SHROOM3: variants seen among roughly 807,000 people sequenced by gnomAD.
The protein encoded by SHROOM3 is shroom family member 3.
SHROOM3 carries 47 observed loss-of-function variants against 138.6 expected under a neutral mutation model. The observed-to-expected ratio is 0.34, with a 90% confidence interval of 0.27 to 0.43. The LOEUF is 0.43. Among genes scored for constraint, SHROOM3 ranks in the 20% least tolerant of loss-of-function variants. SHROOM3 has a pLI of 1.00. For missense variants in SHROOM3, 2,491 were observed against 2,596.5 expected, an observed-to-expected ratio of 0.96 and a Z score of 0.88; for synonymous variants, 1,062 against 1,063.3, an observed-to-expected ratio of 1.00 and a Z score of 0.02.
At chr4:76,507,876 T>A (rs1732246533) in intron 1 of SHROOM3, among the ~76,000 whole-genome samples, 1 of 152,162 alleles carries the variant, frequency 6.6e-6, no homozygotes, top group Admixed American at 6.5e-5. Flanking sequence ...CGGAAATGTC[T>A]ATATAAATCC....
intron 2 of SHROOM3, among the ~76,000 whole-genome samples, chr4:76,600,848 TG>T (rs575524396): frequency 1.5e-4 from 23 of 152,344 alleles, no homozygotes; most frequent in African/African-American, 5.1e-4. Context: ...GAGTTAATAT[TG>T]TAAAAATACC....
chr4:76,441,503 C>T (rs972501545), intron 1 of SHROOM3, among the ~76,000 whole-genome samples: 1 of 152,130 alleles, frequency 6.6e-6, no homozygotes, highest in Non-Finnish European at 1.5e-5. Context: ...TAGATCAGCT[C>T]GTCATTCTGA....
chr4:76,646,071 C>G (rs915853424), intron 2 of SHROOM3, among the ~76,000 whole-genome samples: 8 of 151,708 alleles, frequency 5.3e-5, no homozygotes, highest in African/African-American at 1.7e-4. Flanking sequence ...ATTTTCAGAA[C>G]CCGTTGAGGG....
At chr4:76,616,388 C>T (rs867487459) in intron 2 of SHROOM3, among the ~76,000 whole-genome samples, 22 of 152,148 alleles carry the variant, frequency 1.4e-4, no homozygotes, top group Non-Finnish European at 2.4e-4. Flanking sequence ...TCACAATAGC[C>T]AAAAGGTGGA....
intron 1 of SHROOM3, among the ~76,000 whole-genome samples, chr4:76,449,141 C>A (rs1730871022): frequency 6.6e-6 from 1 of 152,122 alleles, no homozygotes; most frequent in Non-Finnish European, 1.5e-5. Flanking sequence ...AGAGTAGGAT[C>A]CACTCTCTTG....
At chr4:76,557,224 T>TAC (rs1289575397) in intron 2 of SHROOM3, among the ~76,000 whole-genome samples, 1 of 72,010 alleles carries the variant, frequency 1.4e-5, no homozygotes, top group Admixed American at 1.6e-4. Context: ...TATGTTTATG[T>TAC]ATACACACAC....
chr4:76,684,346 G>A (rs138742326), intron 2 of SHROOM3, among the ~76,000 whole-genome samples: 1 of 152,274 alleles, frequency 6.6e-6, no homozygotes, highest in East Asian at 1.9e-4. Flanking sequence ...ACAAGAACTT[G>A]CTGGCTACCT....
chr4:76,689,565 C>T (rs1719449241), intron 2 of SHROOM3: 6 of 984,566 alleles, frequency 6.1e-6, no homozygotes, highest in Non-Finnish European at 7.2e-6. Context: ...CGCTGCTGGG[C>T]CGCCCATTGT....
At position 76,779,990 on chromosome 4, in the gene SHROOM3, G is replaced by A. The variant is rs1265484482; in HGVS notation, c.*813G>A. The stretch of plus-strand genomic sequence containing the variant: ...TGCTTCATGTCATTATCACTGGTGG[G>A]GAAACAAAGCTAAATTTTATTAACA... On this transcript the variant is annotated 3_prime_UTR_variant, in exon 11 of 11. Coordinates refer to ENST00000296043, the MANE Select transcript of SHROOM3 (RefSeq NM_020859.4). The A allele has an allele frequency of 6.6e-6, 1 of 152,192 alleles. No individual in the cohort carries two copies. The highest frequency in any genetic ancestry group is 1.5e-5 in the Non-Finnish European group (1 of 68,008). 9.4% of individuals were successfully genotyped at this position (152,192 alleles called of 1,614,324 possible). A position where few individuals can be genotyped will look rare whatever the true frequency, so the allele number is the denominator to read the frequency against.
At chr4:76,557,226 T>TACACACACAC (rs35294663) in intron 2 of SHROOM3, among the ~76,000 whole-genome samples, 4,976 of 141,942 alleles carry the variant, frequency 0.035, 169 homozygotes, top group African/African-American at 0.082. Flanking sequence ...TGTTTATGTA[T>TACACACACAC]ACACACACAC....
At chr4:76,584,242 C>A (rs557067073) in intron 2 of SHROOM3, among the ~76,000 whole-genome samples, 1 of 151,798 alleles carries the variant, frequency 6.6e-6, no homozygotes, top group East Asian at 1.9e-4. Flanking sequence ...CTCTTGTATC[C>A]GGGAGGCAGA....
At chr4:76,551,916 C>CAGTG (rs1304352856) in intron 1 of SHROOM3, among the ~76,000 whole-genome samples, 1 of 151,272 alleles carries the variant, frequency 6.6e-6, no homozygotes, top group Non-Finnish European at 1.5e-5. Flanking sequence ...GGCTGGAGTG[C>CAGTG]AGTGGTGCGA....
intron 2 of SHROOM3, among the ~76,000 whole-genome samples, chr4:76,681,689 G>C (rs1719206356): frequency 6.8e-6 from 1 of 147,800 alleles, no homozygotes; most frequent in African/African-American, 2.5e-5. Context: ...CCCCATGCTA[G>C]TGTCTGGTTG....
rs138903268 is a variant in SHROOM3 at position 76,446,060 on chromosome 4, C to A, written c.168+9840C>A. Among the ~76,000 whole-genome samples, 148 of 152,240 alleles carry A rather than the reference C, an allele frequency of 9.7e-4. 1 individual carries two copies. Among genetic ancestry groups the A allele is most frequent in the African/African-American group, 3.5e-3 (145 of 41,556 alleles). On this transcript the variant is annotated intron_variant, in intron 1 of 10. Transcript: ENST00000296043. The stretch of plus-strand genomic sequence containing the variant: ...TCAATTGACAAGACTTCCTGGGTTG[C>A]TTTTATCACCGTACTGTCAGTAACT...
At chr4:76,445,095 C>CA (rs35001806) in intron 1 of SHROOM3, among the ~76,000 whole-genome samples, 10,223 of 119,488 alleles carry the variant, frequency 0.086, 394 homozygotes, top group Admixed American at 0.13. Flanking sequence ...GACATTGTCT[C>CA]AAAAAAAAAA....
intron 3 of SHROOM3, among the ~76,000 whole-genome samples, chr4:76,718,306 C>T (rs2110121705): frequency 6.6e-6 from 1 of 152,194 alleles, no homozygotes; most frequent in East Asian, 1.9e-4. Flanking sequence ...TCTGTTTGAG[C>T]AGTGGTAGTT....
chr4:76,688,697 C>T (rs952811699), intron 2 of SHROOM3: 2 of 985,390 alleles, frequency 2.0e-6, no homozygotes, highest in Non-Finnish European at 1.2e-6. Flanking sequence ...ACGCCTATAT[C>T]ATAAATGCAA....
chr4:76,729,432 T>A (rs112222066), intron 3 of SHROOM3, among the ~76,000 whole-genome samples: 195 of 152,232 alleles, frequency 1.3e-3, no homozygotes, highest in African/African-American at 4.4e-3. Context: ...AAAAAAAAAA[T>A]TTGTGTATTT....
At chr4:76,478,732 C>T (rs566043604) in intron 1 of SHROOM3, among the ~76,000 whole-genome samples, 54 of 152,196 alleles carry the variant, frequency 3.5e-4, no homozygotes, top group South Asian at 6.2e-4. Context: ...AGGAGAGCTC[C>T]GGCTGGCATC....
Sources: allele counts gnomAD v4.1 joint callset (sites outside exome capture counted in the v4.1 genomes callset), GRCh38; gene constraint gnomAD v4.1.1; transcripts MANE v1.5; gene names NCBI Gene and HGNC (gene_info 2026-07-23, HGNC 2026-07-21).